The following SCMH1 variants were observed in gnomAD, a reference collection of about 807,000 sequenced individuals.
SCMH1 encodes the protein Scm polycomb group protein homolog 1.
A neutral mutation model predicts 70.8 loss-of-function variants in SCMH1; 37 were observed. That is an observed-to-expected ratio of 0.52 (90% CI 0.40 to 0.69). The LOEUF (loss-of-function observed/expected upper bound fraction) is 0.69, where lower values mean the gene tolerates loss of function less well. Ranked by LOEUF, SCMH1 falls within the 30% of genes least tolerant of loss-of-function variation. The pLI is 0.00. For missense variants in SCMH1, 607 were observed against 827.3 expected (o/e 0.73, Z 3.27); for synonymous variants, 292 against 307.4 (o/e 0.95, Z 0.52).
intron 8 of SCMH1, among the ~76,000 whole-genome samples, chr1:41,101,377 C>A (rs1300915951): frequency 6.6e-6 from 1 of 152,066 alleles, no homozygotes; most frequent in Non-Finnish European, 1.5e-5. Context: ...TTCCTCTAGC[C>A]CCAGCACTCT....
intron 8 of SCMH1, among the ~76,000 whole-genome samples, chr1:41,093,026 T>C (rs1664082572): frequency 6.6e-6 from 1 of 152,158 alleles, no homozygotes; most frequent in African/African-American, 2.4e-5. Context: ...TTACTGGGCA[T>C]ATACCCAAAG....
At chr1:41,117,175 G>C (rs1326374967) in intron 6 of SCMH1, among the ~76,000 whole-genome samples, 165 bp from the exon 7 acceptor site, 1 of 152,032 alleles carries the variant, frequency 6.6e-6, no homozygotes, top group African/African-American at 2.4e-5. Flanking sequence ...ATAGATCATA[G>C]ATATGATTAT....
intron 9 of SCMH1, 83 bp from the exon 10 acceptor site, chr1:41,070,804 G>T: frequency 6.7e-7 from 1 of 1,499,332 alleles, no homozygotes; most frequent in Non-Finnish European, 9.1e-7. Context: ...CACTCATGAA[G>T]CAAAAATATA....
At chr1:41,135,251 T>G (rs904864695) in intron 6 of SCMH1, among the ~76,000 whole-genome samples, 3 of 152,092 alleles carry the variant, frequency 2.0e-5, no homozygotes, top group African/African-American at 7.2e-5. Context: ...ATGACACTAT[T>G]CAGTACAATA....
At chr1:41,123,678 GA>G (rs1388262052) in intron 6 of SCMH1, among the ~76,000 whole-genome samples, 5 of 152,166 alleles carry the variant, frequency 3.3e-5, no homozygotes, top group Admixed American at 1.3e-4. Context: ...GTATTAAGTA[GA>G]AGAATCAGTC....
intron 6 of SCMH1, among the ~76,000 whole-genome samples, chr1:41,128,440 G>C (rs1673767198): frequency 6.6e-6 from 1 of 152,088 alleles, no homozygotes; most frequent in Non-Finnish European, 1.5e-5. Flanking sequence ...TAGAATTCTA[G>C]CTTAACAACT....
chr1:41,210,033 T>C (rs1473269573), intron 1 of SCMH1, among the ~76,000 whole-genome samples: 2 of 152,184 alleles, frequency 1.3e-5, no homozygotes, highest in African/African-American at 2.4e-5. Context: ...ACAAAATCAA[T>C]GTGCAAAAAT....
At chr1:41,069,272 G>A (rs368293285) in intron 10 of SCMH1, among the ~76,000 whole-genome samples, 62 of 152,238 alleles carry the variant, frequency 4.1e-4, no homozygotes, top group African/African-American at 1.5e-3. Flanking sequence ...TAAGGGGCAA[G>A]GAGATTAAGA....
At chr1:41,164,907 C>T (rs1646311572) in intron 2 of SCMH1, among the ~76,000 whole-genome samples, 1 of 151,984 alleles carries the variant, frequency 6.6e-6, no homozygotes, top group South Asian at 2.1e-4. Flanking sequence ...ATTTAAAGTT[C>T]TCTCTTTAGC....
At chr1:41,192,250 A>G (rs909682579) in intron 1 of SCMH1, among the ~76,000 whole-genome samples, 2 of 152,074 alleles carry the variant, frequency 1.3e-5, no homozygotes, top group Admixed American at 1.3e-4. Flanking sequence ...ACATTTCCCA[A>G]TTACTTGGAC....
At chr1:41,160,782 A>G (rs1645951776) in intron 4 of SCMH1, 93 bp downstream of exon 4, 3 of 1,176,968 alleles carry the variant, frequency 2.5e-6, no homozygotes, top group Non-Finnish European at 3.7e-6. Flanking sequence ...AGACACGTGG[A>G]ATTCTTTTCC....
At chr1:41,197,695 T>TA (rs143438352) in intron 1 of SCMH1, among the ~76,000 whole-genome samples, 22,688 of 150,900 alleles carry the variant, frequency 0.15, 2,186 homozygotes, top group Non-Finnish European at 0.22. Context: ...TTGCCACAAT[T>TA]AAAAAAAAAC....
intron 2 of SCMH1, among the ~76,000 whole-genome samples, chr1:41,173,026 C>A (rs1424057241): frequency 6.6e-6 from 1 of 152,026 alleles, no homozygotes; most frequent in African/African-American, 2.4e-5. Flanking sequence ...CATTGATCTG[C>A]ACAAAGATTT....
At chr1:41,090,728 G>A (rs1663172574) in intron 8 of SCMH1, among the ~76,000 whole-genome samples, 1 of 152,072 alleles carries the variant, frequency 6.6e-6, no homozygotes, top group African/African-American at 2.4e-5. Flanking sequence ...AACTCAGCAA[G>A]TGGTAGTTTC....
intron 8 of SCMH1, among the ~76,000 whole-genome samples, chr1:41,112,486 T>C (rs1471512536): frequency 6.6e-6 from 1 of 152,268 alleles, no homozygotes; most frequent in Admixed American, 6.5e-5. Flanking sequence ...GTTCATTTAG[T>C]CTGTGACACT....
intron 2 of SCMH1, among the ~76,000 whole-genome samples, chr1:41,176,710 C>T (rs1647177851): frequency 1.3e-5 from 2 of 152,172 alleles, no homozygotes; most frequent in South Asian, 4.1e-4. Context: ...GGGAGGGGCG[C>T]CCGCCATTGC....
intron 5 of SCMH1, among the ~76,000 whole-genome samples, chr1:41,143,669 A>T (rs1644301060): frequency 6.6e-6 from 1 of 152,196 alleles, no homozygotes; most frequent in South Asian, 2.1e-4. Flanking sequence ...AAACCTGTGA[A>T]AGTATCACCA....
intron 10 of SCMH1, among the ~76,000 whole-genome samples, chr1:41,059,748 T>C (rs1651895496): frequency 6.6e-6 from 1 of 152,162 alleles, no homozygotes; most frequent in Admixed American, 6.5e-5. Context: ...CCTTAGATGC[T>C]ACTGTGGGGC....
At chr1:41,050,526 T>C (rs1389827603) in intron 10 of SCMH1, among the ~76,000 whole-genome samples, 1 of 151,604 alleles carries the variant, frequency 6.6e-6, no homozygotes, top group Non-Finnish European at 1.5e-5. Context: ...ACGGAAGAAA[T>C]GGAAAACAGA....
Sources: allele counts gnomAD v4.1 joint callset (sites outside exome capture counted in the v4.1 genomes callset), GRCh38; gene constraint gnomAD v4.1.1; transcripts MANE v1.5; gene names NCBI Gene and HGNC (gene_info 2026-07-23, HGNC 2026-07-21).